Variants in DDC observed in about 807,000 individuals in gnomAD.
DDC encodes the protein aromatic-L-amino-acid decarboxylase.
In DDC, 43 loss-of-function variants were observed where a neutral mutation model predicts 60.0. The observed-to-expected ratio is 0.72, with a 90% CI of 0.56 to 0.92. The LOEUF is 0.92. Ranked by LOEUF, DDC falls within the 40% of genes least tolerant of loss-of-function variation. The pLI, the probability that DDC is intolerant of heterozygous loss-of-function variation, is 0.00. For synonymous variants in DDC, 232 were observed against 234.6 expected (o/e 0.99, Z 0.10); for missense variants, 573 against 620.2 (o/e 0.92, Z 0.81).
At chr7:50,483,735 T>C (rs540049982) in intron 9 of DDC, among the ~76,000 whole-genome samples, 2 of 152,156 alleles carry the variant, frequency 1.3e-5, no homozygotes, top group African/African-American at 4.8e-5. Context: ...ACCCCGTCTC[T>C]ACTAAAAATA....
intron 6 of DDC, among the ~76,000 whole-genome samples, chr7:50,522,466 A>G (rs751645748): frequency 2.0e-5 from 3 of 152,332 alleles, no homozygotes; most frequent in Admixed American, 6.5e-5. Context: ...AGTCAACATA[A>G]TATTAAACAA....
chr7:50,467,449 A>C (rs1402065991), intron 12 of DDC, 134 bp from the exon 13 acceptor site: 6 of 733,062 alleles, frequency 8.2e-6, no homozygotes, highest in Non-Finnish European at 1.4e-5. Flanking sequence ...AAGTGCTTTT[A>C]CCGTTCACTG....
intron 14 of DDC, among the ~76,000 whole-genome samples, chr7:50,459,447 C>T (rs1304514008): frequency 6.6e-6 from 1 of 151,954 alleles, no homozygotes; most frequent in African/African-American, 2.4e-5. Flanking sequence ...GCCCCTCTGC[C>T]TGGCTACCCA....
intron 8 of DDC, among the ~76,000 whole-genome samples, chr7:50,498,724 C>T (rs11575397): frequency 6.6e-6 from 1 of 152,188 alleles, no homozygotes; most frequent in African/African-American, 2.4e-5. Flanking sequence ...GGTAGCTTCT[C>T]GTTCAATATT....
At chr7:50,473,987 T>C (rs1349395467) in intron 11 of DDC, among the ~76,000 whole-genome samples, 1 of 152,178 alleles carries the variant, frequency 6.6e-6, no homozygotes, top group Non-Finnish European at 1.5e-5. Flanking sequence ...GAGCAGCTCA[T>C]AGCTCCTGGT....
intron 6 of DDC, among the ~76,000 whole-genome samples, chr7:50,507,672 T>A (rs180685095): frequency 6.6e-6 from 1 of 152,342 alleles, no homozygotes; most frequent in East Asian, 1.9e-4. Context: ...TTGGTTAACA[T>A]AAACCTTTAT....
intron 6 of DDC, among the ~76,000 whole-genome samples, chr7:50,527,223 A>T (rs1381512931): frequency 6.6e-6 from 1 of 152,198 alleles, no homozygotes. Flanking sequence ...CATACGCTAT[A>T]AGTGGTTCTT....
chr7:50,521,128 T>C (rs1284764242), intron 6 of DDC, among the ~76,000 whole-genome samples: 1 of 151,952 alleles, frequency 6.6e-6, no homozygotes, highest in African/African-American at 2.4e-5. Flanking sequence ...GAACCATCAT[T>C]ACTAATCCTA....
At chr7:50,561,348 A>G (rs1437096398) in intron 1 of DDC, among the ~76,000 whole-genome samples, 3 of 151,346 alleles carry the variant, frequency 2.0e-5, no homozygotes, top group Non-Finnish European at 4.4e-5. Flanking sequence ...GGCTCCTGGG[A>G]CTCTCCCAGC....
chr7:50,526,208 G>A (rs12718611), intron 6 of DDC, among the ~76,000 whole-genome samples: 130,707 of 152,232 alleles, frequency 0.86, 56,209 homozygotes, highest in East Asian at 0.96. Flanking sequence ...TCATATTTTT[G>A]TATGTTCTTC....
intron 7 of DDC, 59 bp downstream of exon 7, chr7:50,503,934 G>A: frequency 1.6e-6 from 2 of 1,220,014 alleles, no homozygotes; most frequent in Non-Finnish European, 1.2e-6. Context: ...AGGAAGGTTT[G>A]CTAAATTCCC....
chr7:50,560,089 G>T (rs2045306413), intron 1 of DDC, among the ~76,000 whole-genome samples: 1 of 152,182 alleles, frequency 6.6e-6, no homozygotes, highest in Admixed American at 6.5e-5. Context: ...GGATGCCTGT[G>T]TTCTAGTCTG....
intron 11 of DDC, among the ~76,000 whole-genome samples, chr7:50,474,709 A>G (rs116530593): frequency 0.011 from 1,742 of 152,356 alleles, 41 homozygotes; most frequent in African/African-American, 0.04. Flanking sequence ...TTTATCTAAA[A>G]GGACTTTGGT....
chr7:50,482,768 A>C (rs930369405), intron 9 of DDC, among the ~76,000 whole-genome samples: 19 of 152,202 alleles, frequency 1.2e-4, no homozygotes, highest in African/African-American at 4.3e-4. Flanking sequence ...ATGTTTGTTC[A>C]TAGTAAACAT....
intron 11 of DDC, among the ~76,000 whole-genome samples, chr7:50,472,747 G>A (rs2042561334): frequency 1.3e-5 from 2 of 152,066 alleles, no homozygotes; most frequent in Non-Finnish European, 1.5e-5. Flanking sequence ...GCCATACCTC[G>A]CGTCCTGAAC....
intron 6 of DDC, among the ~76,000 whole-genome samples, chr7:50,510,133 G>A (rs530237642): frequency 2.0e-5 from 3 of 151,958 alleles, no homozygotes; most frequent in East Asian, 2.0e-4. Flanking sequence ...CACCATGCCC[G>A]GCTAATTTTG....
At position 50,458,841 on chromosome 7, in the gene DDC, T is replaced by C. The variant is rs2042180242; in HGVS notation, c.*21A>G. On this transcript the variant is annotated splice_region_variant and 3_prime_UTR_variant, in exon 15 of 15. Transcript: ENST00000444124. ...AGATATATCTCTCTTCAATTTTTGA[T>C]TCCTACAGGGAAAAAAAATAGCATG... 1 of 151,714 alleles carries C rather than the reference T, an allele frequency of 6.6e-6. No individual in the cohort carries two copies. Among genetic ancestry groups the C allele is most frequent in the Non-Finnish European group, 1.5e-5 (1 of 68,020 alleles). The allele number at this position is 151,714 out of a possible 1,614,324, so 9.4% of individuals were successfully genotyped here.
At chr7:50,483,589 G>A (rs2153536920) in intron 9 of DDC, among the ~76,000 whole-genome samples, 1 of 152,218 alleles carries the variant, frequency 6.6e-6, no homozygotes, top group African/African-American at 2.4e-5. Flanking sequence ...TGCAGTTTAG[G>A]ATACTCATTA....
intron 9 of DDC, among the ~76,000 whole-genome samples, chr7:50,480,412 A>T (rs2042741422): frequency 6.6e-6 from 1 of 152,124 alleles, no homozygotes; most frequent in African/African-American, 2.4e-5. Context: ...TAACCTGTAA[A>T]CCTAAGTAAA....
Sources: allele counts gnomAD v4.1 joint callset (sites outside exome capture counted in the v4.1 genomes callset), GRCh38; gene constraint gnomAD v4.1.1; transcripts MANE v1.5; gene names NCBI Gene and HGNC (gene_info 2026-07-23, HGNC 2026-07-21).